The following PTPRT variants were observed in gnomAD, a reference collection of about 807,000 sequenced individuals.
The protein encoded by PTPRT is receptor-type tyrosine-protein phosphatase T.
Under a neutral mutation model 176.8 loss-of-function variants are expected in PTPRT, and 56 were observed. The observed-to-expected ratio is 0.32, with a 90% CI of 0.26 to 0.40. The LOEUF is 0.40. PTPRT is among the 10% of genes least tolerant of loss of function. The pLI, the probability that PTPRT is intolerant of heterozygous loss-of-function variation, is 1.00. For missense variants in PTPRT, 1,540 were observed against 1,908.2 expected, an observed-to-expected ratio of 0.81 and a Z score of 3.60; for synonymous variants, 783 against 739.0, an observed-to-expected ratio of 1.06 and a Z score of -0.96.
At chr20:42,426,080 T>C (rs1350033689) in intron 9 of PTPRT, among the ~76,000 whole-genome samples, 1 of 152,072 alleles carries the variant, frequency 6.6e-6, no homozygotes, top group African/African-American at 2.4e-5. Context: ...GTGATACGGA[T>C]AGGAGTCAGG....
At chr20:42,611,384 A>T (rs914747177) in intron 7 of PTPRT, among the ~76,000 whole-genome samples, 2 of 152,076 alleles carry the variant, frequency 1.3e-5, no homozygotes, top group African/African-American at 2.4e-5. Context: ...TGCTTCTTTT[A>T]TGTTATCTCA....
chr20:42,743,516 T>A (rs2146300271), intron 6 of PTPRT, among the ~76,000 whole-genome samples: 1 of 152,288 alleles, frequency 6.6e-6, no homozygotes, highest in South Asian at 2.1e-4. Flanking sequence ...AGAAAGGAAT[T>A]CCATTGTTTT....
chr20:42,245,941 T>C (rs1281600724), intron 14 of PTPRT, among the ~76,000 whole-genome samples: 1 of 152,188 alleles, frequency 6.6e-6, no homozygotes, highest in Admixed American at 6.5e-5. Context: ...GTAGCAGTGT[T>C]GGCCTCTGTG....
chr20:42,843,282 A>G (rs1426955634), intron 2 of PTPRT, among the ~76,000 whole-genome samples: 1 of 152,198 alleles, frequency 6.6e-6, no homozygotes, highest in Non-Finnish European at 1.5e-5. Flanking sequence ...TGCACATCTC[A>G]TGCCACACCC....
At chr20:43,004,783 TTTG>T (rs1417598965) in intron 1 of PTPRT, among the ~76,000 whole-genome samples, 1 of 152,246 alleles carries the variant, frequency 6.6e-6, no homozygotes, top group African/African-American at 2.4e-5. Context: ...GTATGTATTA[TTTG>T]TTATCATATC....
At chr20:42,235,612 A>T (rs981237065) in intron 15 of PTPRT, among the ~76,000 whole-genome samples, 3 of 152,174 alleles carry the variant, frequency 2.0e-5, no homozygotes, top group Admixed American at 6.5e-5. Context: ...GTGCAAAAAA[A>T]TGGATAAGCA....
chr20:42,472,596 G>C, intron 7 of PTPRT, 34 bp from the exon 8 acceptor site: 1 of 1,598,006 alleles, frequency 6.3e-7, no homozygotes, highest in Non-Finnish European at 8.5e-7. Flanking sequence ...CAAGGGTTCT[G>C]AAGAGACCAT....
chr20:42,241,216 C>G (rs550403968), intron 14 of PTPRT, among the ~76,000 whole-genome samples: 1 of 152,014 alleles, frequency 6.6e-6, no homozygotes, highest in African/African-American at 2.4e-5. Flanking sequence ...CAGTCCATAC[C>G]TGGGGATAGG....
At chr20:42,741,202 T>C (rs943203496) in intron 6 of PTPRT, among the ~76,000 whole-genome samples, 1 of 152,188 alleles carries the variant, frequency 6.6e-6, no homozygotes, top group Non-Finnish European at 1.5e-5. Context: ...TACTGCAATC[T>C]CAAAGGTCAT....
intron 17 of PTPRT, among the ~76,000 whole-genome samples, chr20:42,152,205 T>C (rs6030007): frequency 0.13 from 20,432 of 152,284 alleles, 3,515 homozygotes; most frequent in African/African-American, 0.41. Context: ...TCTAAGGTGC[T>C]GTAGGAGTTA....
rs1379375807 is a variant in PTPRT, at chr20:42,993,534, ATGTG to A, written c.89-107606_89-107603del. Among the ~76,000 whole-genome samples, 4 of 136,888 alleles carry A rather than the reference ATGTG, an allele frequency of 2.9e-5. 1 individual carries two copies. The highest frequency in any genetic ancestry group is 6.3e-5 in the Non-Finnish European group (4 of 63,240). 89.8% of individuals were successfully genotyped at this position (136,888 alleles called of 152,430 possible). A position where few individuals can be genotyped will look rare whatever the true frequency, so the allele number is the denominator to read the frequency against. On this transcript the variant is annotated intron_variant, in intron 1 of 30. Transcript: ENST00000373187. ...TGTGTGTGTATATATATACACATAT[ATGTG>A]TGTGTATATATATACACATATATGT...
chr20:42,386,187 G>C (rs1054359852), intron 9 of PTPRT, among the ~76,000 whole-genome samples: 2 of 152,158 alleles, frequency 1.3e-5, no homozygotes, highest in Non-Finnish European at 2.9e-5. Flanking sequence ...TAAAAGGTAA[G>C]GTCTAAGAGA....
intron 6 of PTPRT, among the ~76,000 whole-genome samples, chr20:42,733,831 T>C (rs947878089): frequency 2.0e-5 from 3 of 152,108 alleles, no homozygotes; most frequent in Non-Finnish European, 4.4e-5. Flanking sequence ...AGGGTCCAGA[T>C]CTGGGGAGAA....
chr20:42,512,202 G>A (rs1376321854), intron 7 of PTPRT, among the ~76,000 whole-genome samples: 1 of 152,018 alleles, frequency 6.6e-6, no homozygotes, highest in Non-Finnish European at 1.5e-5. Context: ...TAGATTTCAT[G>A]TAACCACCAC....
chr20:43,074,815 T>C (rs769813463), intron 1 of PTPRT, among the ~76,000 whole-genome samples: 4 of 152,206 alleles, frequency 2.6e-5, no homozygotes, highest in African/African-American at 4.8e-5. Flanking sequence ...AACACCACAA[T>C]GTTAAGACCA....
chr20:42,852,193 A>G (rs569376544), intron 2 of PTPRT, among the ~76,000 whole-genome samples: 1 of 152,318 alleles, frequency 6.6e-6, no homozygotes, highest in East Asian at 1.9e-4. Flanking sequence ...CATTTTTGTC[A>G]AGTTTTAAAA....
intron 1 of PTPRT, among the ~76,000 whole-genome samples, chr20:42,921,036 C>G (rs1033248848): frequency 1.3e-5 from 2 of 152,086 alleles, no homozygotes; most frequent in African/African-American, 2.4e-5. Context: ...GACAGCACGG[C>G]AAAATGCTCA....
chr20:42,470,720 A>G (rs1355247702), intron 8 of PTPRT, among the ~76,000 whole-genome samples: 1 of 152,022 alleles, frequency 6.6e-6, no homozygotes, highest in Non-Finnish European at 1.5e-5. Flanking sequence ...AGGAAGTAAC[A>G]TTTGAGCAAA....
At chr20:42,888,833 T>C (rs564573420) in intron 1 of PTPRT, among the ~76,000 whole-genome samples, 1 of 152,298 alleles carries the variant, frequency 6.6e-6, no homozygotes, top group African/African-American at 2.4e-5. Context: ...GTTTGCAGAA[T>C]AGAGTGAAAG....
Sources: gnomAD v4.1 joint callset for allele counts (sites outside exome capture counted in the v4.1 genomes callset) on GRCh38, gnomAD v4.1.1 for gene constraint, MANE v1.5 for transcripts, NCBI Gene and HGNC (gene_info 2026-07-23, HGNC 2026-07-21) for gene names.